Variants in F5 observed in about 807,000 individuals in gnomAD.
The protein encoded by F5 is activated protein c cofactor.
Under a neutral mutation model 216.4 loss-of-function variants are expected in F5, and 138 were observed. That is an observed-to-expected ratio of 0.64 (90% confidence interval 0.56 to 0.73). The LOEUF is 0.73. F5 is among the 30% of genes least tolerant of loss of function. The pLI is 0.00. For synonymous variants in F5, 916 were observed against 930.7 expected, an observed-to-expected ratio of 0.98 and a Z score of 0.29; for missense variants, 2,403 against 2,674.0, an observed-to-expected ratio of 0.90 and a Z score of 2.24.
chr1:169,572,331 G>A lies in F5; in HGVS notation c.263C>T (p.Pro88Leu), dbSNP rs762698154. 1 of 1,613,156 alleles carries A rather than the reference G, an allele frequency of 6.2e-7. No individual in the cohort carries two copies. ...GTCTCCGACTTCAGCATATAAAGTA[G>A]GCCCAAGAAGTCCTGTGAAAACAAA... ...PQSTISGLLG[P>L]TLYAEVGDII... is the part of the protein sequence containing the mutation. Residue 88 changes from proline (P) to leucine (L), a missense_variant, in exon 3 of 25, where the codon CCT (proline) becomes CTT (leucine). By Grantham distance (98) the Pro-to-Leu change is moderately conservative. This residue lies in a region of F5 where 1,425 missense variants were observed against 1,554.8 expected (regional missense o/e 0.92). Transcript: ENST00000367797.
intron 7 of F5, among the ~76,000 whole-genome samples, chr1:169,554,186 T>TAATA (rs1660256807): frequency 1.2e-5 from 1 of 84,632 alleles, no homozygotes; most frequent in Admixed American, 1.1e-4. Flanking sequence ...CTGAATTTTC[T>TAATA]AGGTAGCCAT....
chr1:169,566,687 G>GT (rs1321441203), intron 3 of F5, among the ~76,000 whole-genome samples: 4 of 151,820 alleles, frequency 2.6e-5, no homozygotes, highest in African/African-American at 9.7e-5. Context: ...TTTAACCTCA[G>GT]TTTTTTCATT....
At position 169,530,895 on chromosome 1, in the gene F5, A is replaced by G. The variant is rs761972125; in HGVS notation, c.5099T>C (p.Val1700Ala). 6.2e-7 allele frequency: 1 copy of G among 1,613,962 alleles called. No homozygotes were observed. Among genetic ancestry groups the G allele is most frequent in the Non-Finnish European group, 8.5e-7 (1 of 1,179,870 alleles). Reference protein sequence around the residue: ...SPEWFKEDNAVQPNSSYTYVW... With the variant: ...SPEWFKEDNAAQPNSSYTYVW... ...GTAGGTATAACTGCTATTTGGCTGA[A>G]CAGCATTATCTTCCTTAAACCATTC... The change falls in exon 15 of 25, where the codon GTT (valine) becomes GCT (alanine). Residue 1700 changes from valine to alanine, a missense_variant. By Grantham distance (64) the Val-to-Ala change is moderately conservative. Coordinates refer to ENST00000367797, the MANE Select transcript of F5 (RefSeq NM_000130.5).
intron 2 of F5, among the ~76,000 whole-genome samples, chr1:169,582,216 C>A (rs761382520): frequency 6.6e-6 from 1 of 152,062 alleles, no homozygotes; most frequent in Non-Finnish European, 1.5e-5. Context: ...TGGTTTAATG[C>A]TTTGCAGTCA....
At position 169,536,528 on chromosome 1, in the gene F5, G is replaced by A. The variant is rs753691316; in HGVS notation, c.4949C>T (p.Ala1650Val). 2.5e-5 allele frequency: 41 copies of A among 1,613,298 alleles called. No homozygotes were observed. In the East Asian group the frequency reaches 6.5e-4, roughly 25 times the overall value. ...TACTTGGATAACATCATCCACTTCA[G>A]CTCTGATAATAGGACCAAGAATTCC... ...HLGILGPIIR[A>V]EVDDVIQVRF... Residue 1650 changes from alanine to valine, a missense_variant, in exon 14 of 25, where the codon GCT (alanine) becomes GTT (valine). Coordinates refer to ENST00000367797, the MANE Select transcript of F5 (RefSeq NM_000130.5).
intron 6 of F5, among the ~76,000 whole-genome samples, chr1:169,555,592 T>G (rs1193771261): frequency 8.3e-6 from 1 of 119,990 alleles, no homozygotes; most frequent in Non-Finnish European, 1.7e-5. Flanking sequence ...TTCCCTTTAT[T>G]TCTTCTTGAG....
chr1:169,523,524 T>C (rs1659359820), intron 20 of F5, among the ~76,000 whole-genome samples, 172 bp from the exon 21 acceptor site: 2 of 152,190 alleles, frequency 1.3e-5, no homozygotes, highest in South Asian at 4.1e-4. Flanking sequence ...GTACCTAAAT[T>C]TGAATCCCAA....
At chr1:169,578,661 G>A (rs1007006242) in intron 2 of F5, among the ~76,000 whole-genome samples, 1 of 152,132 alleles carries the variant, frequency 6.6e-6, no homozygotes, top group Non-Finnish European at 1.5e-5. Flanking sequence ...TAATTAAATA[G>A]TTCTTAAGTA....
intron 3 of F5, among the ~76,000 whole-genome samples, chr1:169,571,557 C>T (rs569921045): frequency 1.2e-4 from 18 of 152,266 alleles, no homozygotes; most frequent in African/African-American, 4.1e-4. Context: ...AGTCTCACCA[C>T]CACCAAATAC....
chr1:169,552,681 T>C lies in F5; in HGVS notation c.1172A>G (p.Tyr391Cys), dbSNP rs778574920. ...DNFSNQIGKH[Y>C]KKVMYTQYED... ...GTACTGTGTGTACATAACTTTCTTA[T>C]AATGTTTTCCAATTTGGTTTGAGAA... Residue 391 changes from tyrosine to cysteine, a missense_variant, in exon 8 of 25, where the codon TAT becomes TGT. Transcript: ENST00000367797. 4 of 1,612,628 alleles carry C rather than the reference T, an allele frequency of 2.5e-6. No individual in the cohort carries two copies. In the African/African-American group the frequency reaches 4.0e-5, roughly 16 times the overall value.
At position 169,513,776 on chromosome 1, in the gene F5, A is replaced by T. The variant is rs1449907625; in HGVS notation, c.*537T>A. ...CAATTTCAATGGGGCTACTGGAAAG[A>T]TGCTTGGCTGTTTTTTTACTCATGG... On this transcript the variant is annotated 3_prime_UTR_variant, in exon 25 of 25. Coordinates refer to ENST00000367797, the MANE Select transcript of F5 (RefSeq NM_000130.5). Among the ~76,000 whole-genome samples the T allele has an allele frequency of 6.6e-6, 1 of 152,134 alleles. No individual in the cohort carries two copies. The highest frequency in any genetic ancestry group is 2.4e-5 in the African/African-American group (1 of 41,440).
intron 6 of F5, 122 bp downstream of exon 6, chr1:169,556,524 G>A (rs1211633816): frequency 2.3e-6 from 2 of 854,456 alleles, no homozygotes; most frequent in Non-Finnish European, 3.8e-6. Flanking sequence ...TGGTTGTTAG[G>A]AACTGAGGAA....
chr1:169,559,378 G>A (rs1660408813), intron 4 of F5, 82 bp from the exon 5 acceptor site: 1 of 1,377,206 alleles, frequency 7.3e-7, no homozygotes, highest in Admixed American at 1.7e-5. Flanking sequence ...AGAGTTTAGG[G>A]CAAGCAATCA....
chr1:169,566,911 A>G (rs1313946698), intron 3 of F5, among the ~76,000 whole-genome samples: 1 of 152,028 alleles, frequency 6.6e-6, no homozygotes, highest in African/African-American at 2.4e-5. Context: ...TTTAGATAAG[A>G]TAGATCTTAA....
In F5 at chr1:169,541,428, T is replaced by A; in HGVS notation, c.3662A>T (p.Asn1221Ile). 6.2e-7 allele frequency: 1 copy of A among 1,612,960 alleles called. No individual in the cohort carries two copies. The highest frequency in any genetic ancestry group is 8.5e-7 in the Non-Finnish European group (1 of 1,179,686). ...TTLSPELIQR[N>I]LSPALGQMPI... is the part of the protein sequence containing the mutation. ...CATCTGACCGAGGGCTGGGGAAAGG[T>A]TTCTCTGAATGAGTTCTGGAGAGAG... The change falls in exon 13 of 25, where the codon AAC (asparagine) becomes ATC (isoleucine). Residue 1221 changes from asparagine (N) to isoleucine (I), a missense_variant. Physicochemically the swap from Asn to Ile is moderately radical, Grantham distance 149. This residue lies in a region of F5 where 1,425 missense variants were observed against 1,554.8 expected (regional missense o/e 0.92). Coordinates refer to ENST00000367797, the MANE Select transcript of F5 (RefSeq NM_000130.5).
At chr1:169,564,606 T>C (rs1660557464) in intron 3 of F5, among the ~76,000 whole-genome samples, 1 of 152,100 alleles carries the variant, frequency 6.6e-6, no homozygotes, top group Non-Finnish European at 1.5e-5. Context: ...AGGGTAAATC[T>C]GGTTCCTTAT....
At chr1:169,544,650 C>A in intron 11 of F5, 142 bp from the exon 12 acceptor site, 1 of 718,276 alleles carries the variant, frequency 1.4e-6, no homozygotes, top group Non-Finnish European at 2.4e-6. Context: ...TCTAGTCTAA[C>A]ATGTGACTAG....
At chr1:169,526,643 A>T (rs556816739) in intron 17 of F5, among the ~76,000 whole-genome samples, 48 of 152,172 alleles carry the variant, frequency 3.2e-4, no homozygotes, top group Non-Finnish European at 5.7e-4. Context: ...AAATGAATAG[A>T]TATGATTATC....
At chr1:169,538,801 G>A (rs912742212) in intron 13 of F5, among the ~76,000 whole-genome samples, 18 of 152,164 alleles carry the variant, frequency 1.2e-4, no homozygotes, top group African/African-American at 3.6e-4. Context: ...ATGGTGGGAG[G>A]AAGGCAGATG....
Sources: gnomAD v4.1 joint callset for allele counts (sites outside exome capture counted in the v4.1 genomes callset) on GRCh38, gnomAD v4.1.1 for gene constraint, gnomAD v4.1.1 regional missense constraint, MANE v1.5 for transcripts, NCBI Gene and HGNC (gene_info 2026-07-23, HGNC 2026-07-21) for gene names.